The following ARL15 variants were observed in gnomAD, a reference collection of about 807,000 sequenced individuals.
ARL15 encodes ARF like GTPase 15.
A neutral mutation model predicts 25.2 loss-of-function variants in ARL15; 19 were observed. The ratio of observed to expected loss-of-function variants is 0.75; its 90% CI spans 0.53 to 1.10. The LOEUF (loss-of-function observed/expected upper bound fraction) is 1.10. Among genes scored for constraint, ARL15 ranks in the 50% least tolerant of loss-of-function variants. ARL15 has a pLI of 0.00. For missense variants in ARL15, 220 were observed against 246.0 expected, an observed-to-expected ratio of 0.89 and a Z score of 0.71; for synonymous variants, 94 against 86.8, an observed-to-expected ratio of 1.08 and a Z score of -0.46.
At chr5:54,147,256 TCAGTATTA>T (rs1753937440) in intron 3 of ARL15, among the ~76,000 whole-genome samples, 1 of 152,100 alleles carries the variant, frequency 6.6e-6, no homozygotes, top group Non-Finnish European at 1.5e-5. Context: ...TTGCGGTCAT[TCAGTATTA>T]CATATCACAC....
intron 1 of ARL15, among the ~76,000 whole-genome samples, chr5:54,266,658 A>C (rs1465708660): frequency 6.6e-6 from 1 of 152,262 alleles, no homozygotes; most frequent in Non-Finnish European, 1.5e-5. Flanking sequence ...AGAACATAGA[A>C]GGATTTGAAA....
At chr5:54,035,197 G>C (rs934245517) in intron 4 of ARL15, among the ~76,000 whole-genome samples, 2 of 152,070 alleles carry the variant, frequency 1.3e-5, no homozygotes, top group Non-Finnish European at 2.9e-5. Context: ...AAGTGCTTTT[G>C]ATAGCTTTAT....
chr5:54,038,664 TAAAC>T (rs1034157224), intron 4 of ARL15, among the ~76,000 whole-genome samples: 2 of 152,052 alleles, frequency 1.3e-5, no homozygotes, highest in African/African-American at 2.4e-5. Flanking sequence ...GATTAAGTGA[TAAAC>T]TAACACTTAT....
At position 54,209,065 on chromosome 5, in the gene ARL15, A is replaced by G. The variant is rs551936430; in HGVS notation, c.49-37137T>C. Among the ~76,000 whole-genome samples, 7 of 152,350 alleles carry G rather than the reference A, an allele frequency of 4.6e-5. No homozygotes were observed. In the South Asian group the frequency reaches 1.4e-3, roughly 32 times the overall value. On this transcript the variant is annotated intron_variant, in intron 1 of 4. Coordinates refer to ENST00000504924, the MANE Select transcript of ARL15 (RefSeq NM_019087.3). ...GAGAAAGTAGAGTTTAATAAAGAAG[A>G]AATCATAATATGACAGCAATGAATG...
rs528925342 is a variant in ARL15, at chr5:53,920,367, GTTC to G, written c.463-33657_463-33655del. On this transcript the variant is annotated intron_variant, in intron 4 of 4. Transcript: ENST00000504924. ...TGCTTGGTTGCCTTTCATAATATAT[GTTC>G]TTGTCATTTTGTTAAAAAATGGCTC... is the stretch of plus-strand genomic sequence containing the variant. Among the ~76,000 whole-genome samples, 83 of 152,192 alleles carry G rather than the reference GTTC, an allele frequency of 5.5e-4. 2 individuals carry two copies. The highest frequency in any genetic ancestry group is 1.0e-3 in the Admixed American group (16 of 15,272).
chr5:53,940,579 C>T (rs531960320), intron 4 of ARL15, among the ~76,000 whole-genome samples: 1 of 152,162 alleles, frequency 6.6e-6, no homozygotes, highest in Non-Finnish European at 1.5e-5. Flanking sequence ...TCTAGTATAA[C>T]CTTAAATGCC....
intron 4 of ARL15, among the ~76,000 whole-genome samples, chr5:53,907,260 G>A (rs541341241): frequency 6.6e-6 from 1 of 151,748 alleles, no homozygotes; most frequent in South Asian, 2.1e-4. Flanking sequence ...GAATACTGAA[G>A]TTAGCTTTCT....
chr5:53,973,354 A>G (rs1019703402), intron 4 of ARL15, among the ~76,000 whole-genome samples: 7 of 152,058 alleles, frequency 4.6e-5, no homozygotes, highest in African/African-American at 1.7e-4. Flanking sequence ...CAGGTGGATC[A>G]CCTGAGGTCA....
intron 4 of ARL15, among the ~76,000 whole-genome samples, chr5:54,103,377 G>C (rs1752497053): frequency 6.6e-6 from 1 of 151,988 alleles, no homozygotes; most frequent in Admixed American, 6.6e-5. Context: ...TGGTATTGAA[G>C]GTGTGCCTCA....
At chr5:54,273,128 C>A (rs955029988) in intron 1 of ARL15, among the ~76,000 whole-genome samples, 3 of 152,082 alleles carry the variant, frequency 2.0e-5, no homozygotes, top group Admixed American at 6.5e-5. Context: ...CTTACATAGT[C>A]CCATATCTAC....
chr5:54,100,375 G>C (rs1187854137), intron 4 of ARL15, among the ~76,000 whole-genome samples: 2 of 152,062 alleles, frequency 1.3e-5, no homozygotes, highest in Non-Finnish European at 2.9e-5. Context: ...TTTCATTAAA[G>C]AAAAGATCTG....
chr5:54,262,141 A>T (rs1264579371), intron 1 of ARL15, among the ~76,000 whole-genome samples: 1 of 152,100 alleles, frequency 6.6e-6, no homozygotes, highest in African/African-American at 2.4e-5. Context: ...CTGTATATAA[A>T]ACATCACCCT....
chr5:54,012,961 G>A (rs1327008090), intron 4 of ARL15, among the ~76,000 whole-genome samples: 3 of 151,176 alleles, frequency 2.0e-5, no homozygotes, highest in Admixed American at 6.6e-5. Context: ...CACCACACCC[G>A]GCTAATTTTC....
chr5:54,285,735 A>C (rs1468552369), intron 1 of ARL15, among the ~76,000 whole-genome samples: 1 of 152,196 alleles, frequency 6.6e-6, no homozygotes, highest in Non-Finnish European at 1.5e-5. Context: ...GGAGCAGTAA[A>C]ACCCCTTCGA....
intron 1 of ARL15, among the ~76,000 whole-genome samples, chr5:54,182,777 A>G (rs939634947): frequency 1.4e-4 from 22 of 152,238 alleles, no homozygotes; most frequent in African/African-American, 5.3e-4. Flanking sequence ...CTTCCTACCC[A>G]TGAGCATGGA....
intron 3 of ARL15, among the ~76,000 whole-genome samples, chr5:54,123,247 T>A (rs1753144096): frequency 6.6e-6 from 1 of 151,870 alleles, no homozygotes; most frequent in Non-Finnish European, 1.5e-5. Context: ...CTAGCTGGGA[T>A]TACAGGCACC....
intron 4 of ARL15, among the ~76,000 whole-genome samples, chr5:54,053,779 A>G (rs1190386404): frequency 6.6e-6 from 1 of 152,240 alleles, no homozygotes; most frequent in East Asian, 1.9e-4. Context: ...AAGTCTAAGA[A>G]GCTGTCACAG....
chr5:53,953,738 A>G (rs1747051058), intron 4 of ARL15, among the ~76,000 whole-genome samples: 1 of 152,184 alleles, frequency 6.6e-6, no homozygotes, highest in Non-Finnish European at 1.5e-5. Context: ...GTGAGAACAA[A>G]CATTTTCTAT....
chr5:54,116,165 G>A (rs1347805036), intron 3 of ARL15, among the ~76,000 whole-genome samples: 1 of 152,224 alleles, frequency 6.6e-6, no homozygotes, highest in Non-Finnish European at 1.5e-5. Context: ...GGGAGCAGGA[G>A]GGGGTTGGGG....
Sources: allele counts gnomAD v4.1 joint callset (sites outside exome capture counted in the v4.1 genomes callset), GRCh38; gene constraint gnomAD v4.1.1; transcripts MANE v1.5; gene names NCBI Gene and HGNC (gene_info 2026-07-23, HGNC 2026-07-21).